Variants in LHFPL2 observed in about 807,000 individuals in gnomAD.
LHFPL2 encodes LHFPL tetraspan subfamily member 2, also known as LHFPL tetraspan subfamily member 2 protein.
In LHFPL2, 7 loss-of-function variants were observed where a neutral mutation model predicts 17.5. The observed-to-expected ratio is 0.40, with a 90% confidence interval of 0.23 to 0.75. The LOEUF (loss-of-function observed/expected upper bound fraction) is 0.75. LHFPL2 is among the 30% of genes least tolerant of loss of function. The pLI, the probability that LHFPL2 is intolerant of heterozygous loss-of-function variation, is 0.37. For missense variants in LHFPL2, 241 were observed against 294.8 expected (o/e 0.82, Z 1.34); for synonymous variants, 134 against 116.2 (o/e 1.15, Z -0.99).
At chr5:78,547,955 T>A (rs1359176569) in intron 3 of LHFPL2, among the ~76,000 whole-genome samples, 1 of 152,110 alleles carries the variant, frequency 6.6e-6, no homozygotes, top group Non-Finnish European at 1.5e-5. Flanking sequence ...GGCCGCTACA[T>A]CTCCCCAGGG....
intron 2 of LHFPL2, among the ~76,000 whole-genome samples, chr5:78,611,285 C>T (rs1744415931): frequency 6.6e-6 from 1 of 152,158 alleles, no homozygotes; most frequent in Non-Finnish European, 1.5e-5. Context: ...CAGGGCAGGG[C>T]AAGACCAGTG....
intron 4 of LHFPL2, among the ~76,000 whole-genome samples, chr5:78,497,605 AAAGAT>A (rs1276959952): frequency 1.3e-4 from 20 of 152,244 alleles, no homozygotes; most frequent in African/African-American, 4.8e-4. Context: ...GGATGAATGA[AAAGAT>A]AAGGTGATGT....
At chr5:78,585,168 G>A (rs1298798610) in intron 2 of LHFPL2, among the ~76,000 whole-genome samples, 1 of 114,718 alleles carries the variant, frequency 8.7e-6, no homozygotes, top group Non-Finnish European at 2.0e-5. Context: ...CACTACGCCC[G>A]GCTAATTTTT....
Position 78,510,339 on chromosome 5 carries a change from C to G in LHFPL2, c.-126G>C. On this transcript the variant is annotated 5_prime_UTR_variant, in exon 4 of 5. Transcript: ENST00000380345. ...CAGCTGCAGTCATTCACTCCCGCCGCCGGCCGCGTTCATGCTGGGGACAGC... is the reference window on the plus strand; with the variant it reads ...CAGCTGCAGTCATTCACTCCCGCCGGCGGCCGCGTTCATGCTGGGGACAGC... The G allele has an allele frequency of 1.0e-6, 1 of 961,568 alleles. No homozygotes were observed. 59.6% of individuals were successfully genotyped at this position (961,568 alleles called of 1,614,324 possible). A position where few individuals can be genotyped will look rare whatever the true frequency, so the allele number is the denominator to read the frequency against.
At chr5:78,597,525 T>C (rs1397348543) in intron 2 of LHFPL2, among the ~76,000 whole-genome samples, 2 of 152,172 alleles carry the variant, frequency 1.3e-5, no homozygotes, top group African/African-American at 4.8e-5. Flanking sequence ...CGTAAGAGTT[T>C]GTGTGGGAGA....
chr5:78,525,318 T>C (rs1755589438), intron 3 of LHFPL2, among the ~76,000 whole-genome samples: 1 of 152,214 alleles, frequency 6.6e-6, no homozygotes, highest in Non-Finnish European at 1.5e-5. Context: ...GAGGATATCT[T>C]ATAGGGTAGA....
chr5:78,613,079 C>A (rs1374763596), intron 2 of LHFPL2, among the ~76,000 whole-genome samples: 1 of 152,140 alleles, frequency 6.6e-6, no homozygotes, highest in Non-Finnish European at 1.5e-5. Context: ...GCCAATAAGC[C>A]CTTTTCCAGG....
At chr5:78,580,454 T>C (rs1195486307) in intron 2 of LHFPL2, among the ~76,000 whole-genome samples, 2 of 151,300 alleles carry the variant, frequency 1.3e-5, no homozygotes, top group South Asian at 2.1e-4. Flanking sequence ...GCCTAGGTTT[T>C]CTTCTAGGGT....
intron 2 of LHFPL2, among the ~76,000 whole-genome samples, chr5:78,614,097 G>A (rs1009716977): frequency 1.3e-5 from 2 of 152,102 alleles, no homozygotes; most frequent in Non-Finnish European, 2.9e-5. Flanking sequence ...TAAATTTGGC[G>A]CCGATGCTAT....
intron 4 of LHFPL2, among the ~76,000 whole-genome samples, chr5:78,497,733 C>CAGTAGT (rs572154849): frequency 1.1e-4 from 17 of 152,376 alleles, no homozygotes; most frequent in South Asian, 8.3e-4. Context: ...GCCAGCTACA[C>CAGTAGT]AGTTACTACT....
At chr5:78,529,698 G>A (rs1400582896) in intron 3 of LHFPL2, among the ~76,000 whole-genome samples, 3 of 152,010 alleles carry the variant, frequency 2.0e-5, no homozygotes, top group African/African-American at 7.2e-5. Flanking sequence ...TACATGACGA[G>A]ACAGATGAAA....
At chr5:78,588,843 T>C (rs1309951596) in intron 2 of LHFPL2, among the ~76,000 whole-genome samples, 1 of 152,236 alleles carries the variant, frequency 6.6e-6, no homozygotes, top group Non-Finnish European at 1.5e-5. Context: ...TGGTACCTAA[T>C]GTAAGTTACT....
intron 3 of LHFPL2, among the ~76,000 whole-genome samples, chr5:78,520,257 T>C (rs1755411878): frequency 6.6e-6 from 1 of 152,124 alleles, no homozygotes; most frequent in South Asian, 2.1e-4. Flanking sequence ...ATTTGTCCAA[T>C]GGCAAAGTCA....
chr5:78,637,978 TG>T (rs2112523343), intron 1 of LHFPL2, among the ~76,000 whole-genome samples: 1 of 152,286 alleles, frequency 6.6e-6, no homozygotes, highest in South Asian at 2.1e-4. Flanking sequence ...TTGTCAGTGC[TG>T]GTTTGTCTTG....
At chr5:78,593,935 T>A (rs1743734672) in intron 2 of LHFPL2, among the ~76,000 whole-genome samples, 1 of 152,208 alleles carries the variant, frequency 6.6e-6, no homozygotes, top group Non-Finnish European at 1.5e-5. Flanking sequence ...TCATTCCTAT[T>A]CGTCTTCAAG....
intron 2 of LHFPL2, among the ~76,000 whole-genome samples, chr5:78,631,519 C>A (rs527760574): frequency 6.6e-6 from 1 of 152,220 alleles, no homozygotes; most frequent in Non-Finnish European, 1.5e-5. Flanking sequence ...CAAACAAGTA[C>A]GTAAAGCTCA....
At chr5:78,618,007 A>C (rs1744680591) in intron 2 of LHFPL2, among the ~76,000 whole-genome samples, 1 of 152,102 alleles carries the variant, frequency 6.6e-6, no homozygotes, top group Non-Finnish European at 1.5e-5. Context: ...GTTTGAGACC[A>C]GCCTGGCCAA....
intron 4 of LHFPL2, among the ~76,000 whole-genome samples, chr5:78,509,521 T>C (rs1755035832): frequency 6.6e-6 from 1 of 152,142 alleles, no homozygotes; most frequent in South Asian, 2.1e-4. Flanking sequence ...ACCAACAGCT[T>C]AGACCCCGAG....
At chr5:78,550,564 TTTTA>T (rs71001113) in intron 3 of LHFPL2, among the ~76,000 whole-genome samples, 3 of 150,660 alleles carry the variant, frequency 2.0e-5, no homozygotes, top group Non-Finnish European at 3.0e-5. Flanking sequence ...TTTTATTTAT[TTTTA>T]TTTATTTATT....
Sources: gnomAD v4.1 joint callset for allele counts (sites outside exome capture counted in the v4.1 genomes callset) on GRCh38, gnomAD v4.1.1 for gene constraint, MANE v1.5 for transcripts, NCBI Gene and HGNC (gene_info 2026-07-23, HGNC 2026-07-21) for gene names.